HIVEP3: variants seen among roughly 807,000 people sequenced by gnomAD.
The protein encoded by HIVEP3 is transcription factor HIVEP3.
Under a neutral mutation model 152.8 loss-of-function variants are expected in HIVEP3, and 49 were observed. The ratio of observed to expected loss-of-function variants is 0.32; its 90% confidence interval spans 0.26 to 0.41. The LOEUF (loss-of-function observed/expected upper bound fraction) is 0.41, where lower values mean the gene tolerates loss of function less well. Among genes scored for constraint, HIVEP3 ranks in the 10% least tolerant of loss-of-function variants. The pLI, the probability that HIVEP3 is intolerant of heterozygous loss-of-function variation, is 1.00. For synonymous variants in HIVEP3, 1,269 were observed against 1,289.0 expected (o/e 0.98, Z 0.33); for missense variants, 2,790 against 3,103.3 (o/e 0.90, Z 2.40).
intron 5 of HIVEP3, among the ~76,000 whole-genome samples, chr1:41,564,879 C>T (rs1262891993): frequency 3.9e-5 from 6 of 152,078 alleles, no homozygotes; most frequent in African/African-American, 7.2e-5. Flanking sequence ...AGAGGACCTC[C>T]GGGAGTGGGT....
At chr1:41,755,434 A>G (rs959255264) in intron 1 of HIVEP3, among the ~76,000 whole-genome samples, 16 of 152,204 alleles carry the variant, frequency 1.1e-4, no homozygotes, top group African/African-American at 3.6e-4. Context: ...ACAATCCATA[A>G]AAGAAAAAAA....
Position 41,506,665 on chromosome 1 carries a change from CA to C in HIVEP3, c.*3785del, listed in dbSNP as rs1218145644. On this transcript the variant is annotated 3_prime_UTR_variant, in exon 9 of 9. Transcript: ENST00000372583. Reference sequence around the variant, plus strand: ...TATACCATACCAACATTGCAAGATGCAAGTGTGGAAACTGGAGTTTAAATAA... The same window carrying C: ...TATACCATACCAACATTGCAAGATGCAGTGTGGAAACTGGAGTTTAAATAA... The C allele has an allele frequency of 2.0e-5, 3 of 150,848 alleles. No individual in the cohort carries two copies. The highest frequency in any genetic ancestry group is 4.4e-5 in the Non-Finnish European group (3 of 67,856). The allele number at this position is 150,848 out of a possible 1,614,324, so 9.3% of individuals were successfully genotyped here.
intron 5 of HIVEP3, among the ~76,000 whole-genome samples, chr1:41,560,724 G>C (rs1286061038): frequency 6.6e-6 from 1 of 152,180 alleles, no homozygotes; most frequent in Non-Finnish European, 1.5e-5. Context: ...TCCTCCAAGA[G>C]ACTCCAGGCT....
At chr1:41,846,020 C>T (rs990062527) in intron 1 of HIVEP3, among the ~76,000 whole-genome samples, 2 of 152,244 alleles carry the variant, frequency 1.3e-5, no homozygotes, top group South Asian at 2.1e-4. Flanking sequence ...GCCAAGATTG[C>T]GCCGCTGCAT....
intron 5 of HIVEP3, among the ~76,000 whole-genome samples, chr1:41,570,572 A>G (rs986182417): frequency 6.6e-6 from 1 of 151,862 alleles, no homozygotes; most frequent in African/African-American, 2.4e-5. Context: ...AGTCAATTAA[A>G]CCTCTTTTCT....
intron 1 of HIVEP3, among the ~76,000 whole-genome samples, chr1:41,809,363 A>G (rs751628305): frequency 6.6e-5 from 10 of 152,238 alleles, no homozygotes; most frequent in Non-Finnish European, 1.5e-4. Flanking sequence ...AGGTGGTACC[A>G]AAGACACGGT....
intron 3 of HIVEP3, among the ~76,000 whole-genome samples, chr1:41,599,557 C>T (rs774115975): frequency 2.6e-5 from 4 of 152,106 alleles, no homozygotes; most frequent in South Asian, 2.1e-4. Flanking sequence ...AGGCAGTCAA[C>T]GCACCTGAAA....
At chr1:41,734,256 T>C (rs1646883206) in intron 1 of HIVEP3, among the ~76,000 whole-genome samples, 1 of 152,186 alleles carries the variant, frequency 6.6e-6, no homozygotes, top group African/African-American at 2.4e-5. Context: ...TGCCACCTAT[T>C]CTAGCTGTGT....
chr1:41,876,396 G>A (rs1474036908), intron 1 of HIVEP3, among the ~76,000 whole-genome samples: 2 of 152,090 alleles, frequency 1.3e-5, no homozygotes, highest in Admixed American at 6.5e-5. Context: ...AACTCTGAGC[G>A]AGTTGCTTAA....
intron 2 of HIVEP3, among the ~76,000 whole-genome samples, chr1:41,670,464 T>C (rs1645857642): frequency 1.3e-5 from 2 of 152,176 alleles, no homozygotes; most frequent in Non-Finnish European, 2.9e-5. Context: ...TCAGCCACTA[T>C]TGGCTGGGCC....
At chr1:41,579,694 T>C in intron 4 of HIVEP3, 43 bp downstream of exon 4, 2 of 1,512,748 alleles carry the variant, frequency 1.3e-6, no homozygotes, top group Non-Finnish European at 8.8e-7. Flanking sequence ...CGCCAAGTGC[T>C]TTTGCAAATC....
In HIVEP3 at chr1:41,596,386, T is replaced by G. The variant is rs141357128; in HGVS notation, c.-521-11068A>C. On this transcript the variant is annotated intron_variant, in intron 3 of 8. Coordinates refer to ENST00000372583, the MANE Select transcript of HIVEP3 (RefSeq NM_024503.5). The stretch of plus-strand genomic sequence containing the variant: ...ACAGGCACAACCTAGAGTCCATAGA[T>G]AGCCTGTGTTGGAAGGAAGAGGTTT... Among the ~76,000 whole-genome samples the G allele has an allele frequency of 2.1e-3, 325 of 152,142 alleles. 1 individual carries two copies. The highest frequency in any genetic ancestry group is 4.8e-3 in the South Asian group (23 of 4,822).
At chr1:41,590,178 A>T (rs889385044) in intron 3 of HIVEP3, among the ~76,000 whole-genome samples, 4 of 152,214 alleles carry the variant, frequency 2.6e-5, no homozygotes, top group African/African-American at 9.6e-5. Context: ...GGGTCTGGAG[A>T]CTAACAGGGA....
chr1:41,785,995 T>C (rs1327044011), intron 1 of HIVEP3, among the ~76,000 whole-genome samples: 1 of 151,844 alleles, frequency 6.6e-6, no homozygotes, highest in Non-Finnish European at 1.5e-5. Context: ...TGAAACTCTG[T>C]CTCAAAAAAA....
chr1:41,660,163 G>A (rs1482484406), intron 2 of HIVEP3, among the ~76,000 whole-genome samples: 1 of 152,134 alleles, frequency 6.6e-6, no homozygotes, highest in South Asian at 2.1e-4. Context: ...GTGGGTGTTT[G>A]AGTGTGTAAG....
chr1:41,545,609 C>CT (rs1643764956), intron 5 of HIVEP3, among the ~76,000 whole-genome samples: 1 of 139,770 alleles, frequency 7.2e-6, no homozygotes, highest in Admixed American at 7.0e-5. Context: ...CCACCACCAT[C>CT]ACCACCACTA....
intron 1 of HIVEP3, among the ~76,000 whole-genome samples, chr1:42,021,388 T>C (rs784103): frequency 0.78 from 118,372 of 151,964 alleles, 46,488 homozygotes; most frequent in East Asian, 0.96. Context: ...AAGGGTAACT[T>C]CTAGGTTTTT....
At chr1:41,846,349 T>C (rs954220945) in intron 1 of HIVEP3, among the ~76,000 whole-genome samples, 2 of 152,224 alleles carry the variant, frequency 1.3e-5, no homozygotes, top group African/African-American at 4.8e-5. Flanking sequence ...ACATAAAACA[T>C]GGAGACTTTG....
chr1:41,758,864 G>T (rs1647484447), intron 1 of HIVEP3, among the ~76,000 whole-genome samples: 1 of 152,140 alleles, frequency 6.6e-6, no homozygotes, highest in African/African-American at 2.4e-5. Context: ...AGGAGAATGG[G>T]GGGTACTGGC....
Sources: allele counts gnomAD v4.1 joint callset (sites outside exome capture counted in the v4.1 genomes callset), GRCh38; gene constraint gnomAD v4.1.1; transcripts MANE v1.5; gene names NCBI Gene and HGNC (gene_info 2026-07-23, HGNC 2026-07-21).